The following ST14 variants were observed in gnomAD, a reference collection of about 807,000 sequenced individuals.
ST14 encodes ST14 transmembrane serine protease matriptase, also known as suppressor of tumorigenicity 14 protein.
In ST14, 40 loss-of-function variants were observed where a neutral mutation model predicts 96.5. The ratio of observed to expected loss-of-function variants is 0.41; its 90% CI spans 0.32 to 0.54. ST14 has a LOEUF of 0.54. Among genes scored for constraint, ST14 ranks in the 20% least tolerant of loss-of-function variants. The probability of loss-of-function intolerance (pLI) is 0.17; values close to 1 mark genes in which losing one functional copy is unlikely to be tolerated. For synonymous variants in ST14, 506 were observed against 492.1 expected (o/e 1.03, Z -0.37); for missense variants, 1,066 against 1,188.9 (o/e 0.90, Z 1.52).
chr11:130,206,555 C>CTCTTT (rs1253396162), intron 16 of ST14, among the ~76,000 whole-genome samples: 5 of 143,734 alleles, frequency 3.5e-5, no homozygotes, highest in Admixed American at 7.2e-5. Flanking sequence ...CTTTCTCTTT[C>CTCTTT]TCTTTTCTTT....
chr11:130,160,190 T>G, intron 1 of ST14, 130 bp downstream of exon 1: 2 of 593,456 alleles, frequency 3.4e-6, no homozygotes, highest in Non-Finnish European at 2.5e-6. Context: ...CAGGTGGAAT[T>G]TCCTGTTCAG....
At chr11:130,196,277 G>A (rs1014794189) in intron 9 of ST14, 62 bp from the exon 10 acceptor site, 11 of 1,350,734 alleles carry the variant, frequency 8.1e-6, no homozygotes, top group South Asian at 2.5e-5. Flanking sequence ...TCCCTTTGAC[G>A]TCCTCAGGTT....
chr11:130,184,414 C>T (rs1166644620), intron 1 of ST14, among the ~76,000 whole-genome samples: 5 of 152,122 alleles, frequency 3.3e-5, no homozygotes, highest in African/African-American at 1.2e-4. Context: ...CATTCTTATC[C>T]GTGATCTTCT....
chr11:130,205,208 C>T (rs1034821132), intron 16 of ST14, among the ~76,000 whole-genome samples: 1 of 152,104 alleles, frequency 6.6e-6, no homozygotes, highest in Non-Finnish European at 1.5e-5. Flanking sequence ...CTCACTGCAA[C>T]CTCTGCCTCC....
chr11:130,208,385 G>A, intron 16 of ST14, 25 bp from the exon 17 acceptor site: 2 of 1,613,804 alleles, frequency 1.2e-6, no homozygotes, highest in Admixed American at 1.7e-5. Flanking sequence ...TGACCGCGCA[G>A]TCTCATAGCG....
intron 16 of ST14, 144 bp downstream of exon 16, chr11:130,200,281 C>A: frequency 1.1e-6 from 1 of 932,548 alleles, no homozygotes; most frequent in Non-Finnish European, 1.6e-6. Flanking sequence ...TAAAGAAATA[C>A]CTGAGACTGG....
intron 1 of ST14, among the ~76,000 whole-genome samples, chr11:130,179,941 A>C (rs1318968912): frequency 6.6e-6 from 1 of 152,140 alleles, no homozygotes; most frequent in African/African-American, 2.4e-5. Flanking sequence ...GACCTGCCAC[A>C]GAATGCTTTC....
chr11:130,198,218 G>C, intron 12 of ST14, 90 bp from the exon 13 acceptor site: 8 of 1,251,146 alleles, frequency 6.4e-6, no homozygotes, highest in Middle Eastern at 1.9e-4. Context: ...ATCAGAAAGC[G>C]GTCCCCAGGT....
intron 17 of ST14, 137 bp from the exon 18 acceptor site, chr11:130,209,305 C>A: frequency 1.7e-6 from 2 of 1,164,832 alleles, no homozygotes; most frequent in Non-Finnish European, 2.5e-6. Flanking sequence ...ACTGAGTAGA[C>A]GCGGATTACC....
intron 16 of ST14, among the ~76,000 whole-genome samples, chr11:130,203,789 A>G (rs1953457413): frequency 2.0e-5 from 3 of 152,106 alleles, no homozygotes; most frequent in African/African-American, 7.2e-5. Context: ...AGTAGCTGGA[A>G]TTACAGGCAT....
chr11:130,180,754 G>A (rs573858729), intron 1 of ST14, among the ~76,000 whole-genome samples: 13 of 152,340 alleles, frequency 8.5e-5, no homozygotes, highest in African/African-American at 2.9e-4. Context: ...GACTTAATGG[G>A]AGTAGGCTGG....
chr11:130,197,790 C>A, intron 11 of ST14, 51 bp from the exon 12 acceptor site: 4 of 1,459,062 alleles, frequency 2.7e-6, no homozygotes, highest in Non-Finnish European at 3.7e-6. Context: ...CGGGAGCCAG[C>A]GGAGGGAGGT....
chr11:130,171,675 A>G (rs1489450807), intron 1 of ST14, among the ~76,000 whole-genome samples: 2 of 152,308 alleles, frequency 1.3e-5, no homozygotes, highest in East Asian at 3.9e-4. Context: ...AATCATAAAC[A>G]CCACTAGCCA....
intron 8 of ST14, 126 bp from the exon 9 acceptor site, chr11:130,194,514 T>G: frequency 3.4e-6 from 4 of 1,171,734 alleles, no homozygotes; most frequent in Non-Finnish European, 5.0e-6. Flanking sequence ...TTCCTGGCTG[T>G]GCACCTGCTG....
rs1013144313 is a variant in ST14, at chr11:130,176,640, G to A, written c.82-11474G>A. On this transcript the variant is annotated intron_variant, in intron 1 of 18. Transcript: ENST00000278742. ...CCTGACCTCATGATCCGCCTGCCTC[G>A]GCCTCCCAAAGTGCTGGGATTACAG... 2.0e-5 allele frequency among the ~76,000 whole-genome samples: 3 copies of A among 151,816 alleles called. No homozygotes were observed. The South Asian group carries it at 6.2e-4, about 32-fold the overall frequency.
In ST14 at chr11:130,200,099, C is replaced by T; in HGVS notation, c.1956C>T (p.Val652=). ...CCCTCATCTCTCCCAACTGGCTGGT[C>T]TCTGCCGCACACTGCTACATCGATG... ...GASLISPNWL[V]SAAHCYIDDR... Residue 652 remains valine, a synonymous_variant, in exon 16 of 19, where the codon GTC becomes GTT. Coordinates refer to ENST00000278742, the MANE Select transcript of ST14 (RefSeq NM_021978.4). 1.2e-6 allele frequency: 2 copies of T among 1,614,230 alleles called. No homozygotes were observed. Among genetic ancestry groups the T allele is most frequent in the Non-Finnish European group, 1.7e-6 (2 of 1,180,052 alleles).
At chr11:130,165,232 A>G (rs568521609) in intron 1 of ST14, among the ~76,000 whole-genome samples, 1 of 152,330 alleles carries the variant, frequency 6.6e-6, no homozygotes, top group East Asian at 1.9e-4. Context: ...AGGGGATGGA[A>G]TACTAAAGGT....
intron 9 of ST14, among the ~76,000 whole-genome samples, chr11:130,196,121 C>A (rs1305929778): frequency 6.6e-6 from 1 of 152,260 alleles, no homozygotes; most frequent in East Asian, 1.9e-4. Flanking sequence ...GATCTTGCCA[C>A]TGCACTCCAG....
chr11:130,194,006 T>C lies in ST14; in HGVS notation c.876-143T>C, dbSNP rs1415283476. 5 of 1,034,060 alleles carry C rather than the reference T, an allele frequency of 4.8e-6. No individual in the cohort carries two copies. The Admixed American group carries it at 8.6e-5, about 18-fold the overall frequency. 64.1% of individuals were successfully genotyped at this position (1,034,060 alleles called of 1,614,324 possible). A position where few individuals can be genotyped will look rare whatever the true frequency, so the allele number is the denominator to read the frequency against. On this transcript the variant is annotated intron_variant, in intron 7 of 18. Transcript: ENST00000278742. ...AGGGACTTACTTGAATGAAGGTCTT[T>C]TTGACTCCATTCTTGGCCTCTGTGG...
Sources: gnomAD v4.1 joint callset for allele counts (sites outside exome capture counted in the v4.1 genomes callset) on GRCh38, gnomAD v4.1.1 for gene constraint, MANE v1.5 for transcripts, NCBI Gene and HGNC (gene_info 2026-07-23, HGNC 2026-07-21) for gene names.